The following TCF3 variants were observed in gnomAD, a reference collection of about 807,000 sequenced individuals.
TCF3 encodes transcription factor E2-alpha.
Under a neutral mutation model 72.3 loss-of-function variants are expected in TCF3, and 54 were observed. That is an observed-to-expected ratio of 0.75 (90% CI 0.60 to 0.94). The LOEUF (loss-of-function observed/expected upper bound fraction) is 0.94. TCF3 is among the 40% of genes least tolerant of loss of function. The pLI is 0.00. For missense variants in TCF3, 1,078 were observed against 934.4 expected (o/e 1.15, Z -2.00); for synonymous variants, 525 against 412.6 (o/e 1.27, Z -3.30).
In TCF3 at chr19:1,612,371, G is replaced by C; in HGVS notation, c.1823-522C>G. On this transcript the variant is annotated intron_variant, in intron 18 of 18. Transcript: ENST00000262965. Reference sequence around the variant, plus strand: ...GCGCACCCGCTCCCGCGCGTTATTGGCCATGCGCCTCTCCCGGTCCCTCAG... The same window carrying C: ...GCGCACCCGCTCCCGCGCGTTATTGCCCATGCGCCTCTCCCGGTCCCTCAG... The C allele has an allele frequency of 3.7e-6, 6 of 1,613,910 alleles. No homozygotes were observed. The highest frequency in any genetic ancestry group is 5.1e-6 in the Non-Finnish European group (6 of 1,179,882).
chr19:1,646,764 G>A (rs1168241911), intron 2 of TCF3, among the ~76,000 whole-genome samples: 2 of 152,240 alleles, frequency 1.3e-5, no homozygotes, highest in African/African-American at 4.8e-5. Flanking sequence ...ATTAGGCGAA[G>A]GATACAACTT....
At chr19:1,623,540 C>T (rs1289109124) in intron 8 of TCF3, among the ~76,000 whole-genome samples, 3 of 152,100 alleles carry the variant, frequency 2.0e-5, no homozygotes, top group African/African-American at 4.8e-5. Flanking sequence ...CGCACCACCA[C>T]GCCCGGCTGA....
intron 6 of TCF3, among the ~76,000 whole-genome samples, chr19:1,626,023 G>A (rs980723938): frequency 5.3e-5 from 8 of 152,156 alleles, no homozygotes; most frequent in African/African-American, 1.9e-4. Context: ...CTGTGCACCC[G>A]GCTGCTTCCT....
In TCF3 at chr19:1,634,158, T is replaced by G. The variant is rs553555613; in HGVS notation, c.146-1753A>C. Among the ~76,000 whole-genome samples, 11 of 152,320 alleles carry G rather than the reference T, an allele frequency of 7.2e-5. No homozygotes were observed. In the South Asian group the frequency reaches 2.3e-3, roughly 32 times the overall value. On this transcript the variant is annotated intron_variant, in intron 3 of 18. Transcript: ENST00000262965. ...AACCCTCCCTCACCCAGCCTTGGCC[T>G]CCTCCTAGAAATGACAAAAATAAGG...
chr19:1,624,116 G>A (rs762502667), intron 7 of TCF3, 116 bp from the exon 8 acceptor site: 23 of 1,021,502 alleles, frequency 2.3e-5, no homozygotes, highest in Admixed American at 2.2e-4. Flanking sequence ...ACCTCGGGTC[G>A]GCTGGGTGCG....
chr19:1,619,287 G>A (rs1408596485), intron 15 of TCF3, 29 bp downstream of exon 15: 4 of 1,568,770 alleles, frequency 2.5e-6, no homozygotes, highest in Non-Finnish European at 2.6e-6. Flanking sequence ...CCCGCCCACT[G>A]CCCAGCTCCA....
intron 5 of TCF3, 109 bp downstream of exon 5, chr19:1,631,929 T>C (rs1348178418): frequency 1.3e-6 from 2 of 1,545,270 alleles, no homozygotes; most frequent in Non-Finnish European, 1.7e-6. Context: ...CCACACCCTC[T>C]GGGTGAACGC....
Position 1,642,264 on chromosome 19 carries a change from A to C in TCF3, c.145+4091T>G, listed in dbSNP as rs141172368. 3.6e-3 allele frequency among the ~76,000 whole-genome samples: 547 copies of C among 151,640 alleles called. 5 individuals carry two copies. The highest frequency in any genetic ancestry group is 0.012 in the African/African-American group (514 of 41,332). On this transcript the variant is annotated intron_variant, in intron 3 of 18. Coordinates refer to ENST00000262965, the MANE Select transcript of TCF3 (RefSeq NM_003200.5). ...CAGACGCACACACACGTGCGCACAC[A>C]CGCACGCACACGCACAGACGCGCAC...
rs1325162296 is a variant in TCF3, at chr19:1,621,708, G to C, written c.955+130C>G. ...CTGCAGACAGCGGACAATGAGAACT[G>C]ACAACAACCCGCTCTCAGGGCCAGC... On this transcript the variant is annotated intron_variant, in intron 11 of 18. Transcript: ENST00000262965. 2.4e-6 allele frequency: 3 copies of C among 1,270,352 alleles called. No individual in the cohort carries two copies. In the African/African-American group the frequency reaches 4.5e-5, roughly 19 times the overall value. 78.7% of individuals were successfully genotyped at this position (1,270,352 alleles called of 1,614,324 possible).
At chr19:1,618,652 A>C (rs1176950584) in intron 16 of TCF3, among the ~76,000 whole-genome samples, 1 of 151,684 alleles carries the variant, frequency 6.6e-6, no homozygotes, top group Non-Finnish European at 1.5e-5. Context: ...GTACTTGCCT[A>C]CTCTTGCCTC....
In TCF3 at chr19:1,621,908, T is replaced by G. The variant is rs1196724310; in HGVS notation, c.885A>C (p.Ser295=). The G allele has an allele frequency of 6.9e-6, 11 of 1,601,704 alleles. No individual in the cohort carries two copies. The highest frequency in any genetic ancestry group is 9.4e-6 in the Non-Finnish European group (11 of 1,175,594). ...GGLPSASSFS[S]APGATYGGVS... ...CGCCGCCGTACGTGGCTCCGGGGGC[T>G]GAGGAGAAGGAGGATGCAGATGGGA... Residue 295 remains serine (S), a synonymous_variant, in exon 11 of 19, where the codon TCA becomes TCC. Transcript: ENST00000262965.
chr19:1,646,916 C>A (rs979515340), intron 2 of TCF3, among the ~76,000 whole-genome samples: 1 of 152,256 alleles, frequency 6.6e-6, no homozygotes, highest in Non-Finnish European at 1.5e-5. Context: ...TGTGCACTGG[C>A]CCCGCATGGC....
At chr19:1,617,673 C>G (rs1179176442) in intron 16 of TCF3, among the ~76,000 whole-genome samples, 1 of 152,236 alleles carries the variant, frequency 6.6e-6, no homozygotes, top group Non-Finnish European at 1.5e-5. Context: ...AGGACCAGCC[C>G]AGGCCTCAGC....
At chr19:1,643,306 C>T (rs758973798) in intron 3 of TCF3, among the ~76,000 whole-genome samples, 5 of 151,824 alleles carry the variant, frequency 3.3e-5, no homozygotes, top group Admixed American at 6.6e-5. Flanking sequence ...CTGCAACCTC[C>T]GCCTCCCAGG....
chr19:1,613,530 G>A (rs2061249602), intron 18 of TCF3, among the ~76,000 whole-genome samples: 1 of 152,156 alleles, frequency 6.6e-6, no homozygotes, highest in Non-Finnish European at 1.5e-5. Context: ...GACTTTCCCT[G>A]CTCAGAGCAG....
chr19:1,620,595 C>G (rs2062070963), intron 13 of TCF3, among the ~76,000 whole-genome samples: 1 of 152,226 alleles, frequency 6.6e-6, no homozygotes. Flanking sequence ...TGTGAACTGC[C>G]AGGTCCTGCC....
intron 3 of TCF3, among the ~76,000 whole-genome samples, chr19:1,641,468 C>T (rs1385346389): frequency 6.6e-6 from 1 of 152,004 alleles, no homozygotes; most frequent in Non-Finnish European, 1.5e-5. Context: ...TTTTTTTATT[C>T]TTCAGACACG....
Position 1,632,010 on chromosome 19 carries a change from G to C in TCF3, c.298+28C>G, listed in dbSNP as rs775435051. 1.9e-6 allele frequency: 3 copies of C among 1,608,842 alleles called. No individual in the cohort carries two copies. The East Asian group carries it at 6.7e-5, about 36-fold the overall frequency. On this transcript the variant is annotated intron_variant, in intron 5 of 18. Transcript: ENST00000262965. Reference sequence around the variant, plus strand: ...CACGTCTGCACATCTGTGCACAGCAGAGGGACCGCACCAGGCCAGGCACTC... The same window carrying C: ...CACGTCTGCACATCTGTGCACAGCACAGGGACCGCACCAGGCCAGGCACTC...
In TCF3 at chr19:1,610,535, A is replaced by T; in HGVS notation, c.*1172T>A. The T allele has an allele frequency of 4.3e-6, 1 of 231,500 alleles. No individual in the cohort carries two copies. The highest frequency in any genetic ancestry group is 1.8e-4 in the South Asian group (1 of 5,516). 14.3% of individuals were successfully genotyped at this position (231,500 alleles called of 1,614,324 possible). On this transcript the variant is annotated 3_prime_UTR_variant, in exon 19 of 19. Coordinates refer to ENST00000262965, the MANE Select transcript of TCF3 (RefSeq NM_003200.5). ...AGGAGTGAAGGACAGGGTGTCCAGG[A>T]GGTCCCCAGCACCGGGCTCCAGGGT...
Sources: allele counts gnomAD v4.1 joint callset (sites outside exome capture counted in the v4.1 genomes callset), GRCh38; gene constraint gnomAD v4.1.1; transcripts MANE v1.5; gene names NCBI Gene and HGNC (gene_info 2026-07-23, HGNC 2026-07-21).